Variants in PGLS observed in about 807,000 individuals in gnomAD.
PGLS encodes 6-phosphogluconolactonase.
Under a neutral mutation model 23.2 loss-of-function variants are expected in PGLS, and 21 were observed. That is an observed-to-expected ratio of 0.91 (90% confidence interval 0.64 to 1.31). PGLS has a LOEUF of 1.31. Among genes scored for constraint, PGLS ranks in the 50% most tolerant of loss-of-function variants. PGLS has a pLI of 0.00. For missense variants in PGLS, 410 were observed against 354.0 expected (o/e 1.16, Z -1.27); for synonymous variants, 179 against 165.4 (o/e 1.08, Z -0.63).
chr19:17,520,771 A>T (rs921240417), intron 4 of PGLS, among the ~76,000 whole-genome samples, 173 bp from the exon 5 acceptor site: 1 of 152,204 alleles, frequency 6.6e-6, no homozygotes, highest in Non-Finnish European at 1.5e-5. Flanking sequence ...TACAGTGGAT[A>T]GAAAGGAAGG....
Position 17,518,009 on chromosome 19 carries a change from G to GA in PGLS, c.639+175dup, listed in dbSNP as rs67260410. ...CTTGAAATTGCAATTAGAAAAAAAG[G>GA]AAAAAAAAAAAAAAAACCCCAGAAA... On this transcript the variant is annotated intron_variant, in intron 4 of 4. Coordinates refer to ENST00000252603, the MANE Select transcript of PGLS (RefSeq NM_012088.3). 4.2e-3 allele frequency among the ~76,000 whole-genome samples: 577 copies of GA among 136,118 alleles called. 1 individual carries two copies. The highest frequency in any genetic ancestry group is 8.5e-3 in the South Asian group (35 of 4,106). The allele number at this position is 136,118 out of a possible 152,430, so 89.3% of individuals were successfully genotyped here.
chr19:17,512,072 T>G, intron 1 of PGLS, 112 bp downstream of exon 1: 1 of 1,159,334 alleles, frequency 8.6e-7, no homozygotes, highest in South Asian at 1.6e-5. Flanking sequence ...GCCCACTGTC[T>G]GCACCTCGGC....
Position 17,517,719 on chromosome 19 carries a change from A to G in PGLS, c.508A>G (p.Lys170Glu), listed in dbSNP as rs781139703. 2.1e-5 allele frequency: 34 copies of G among 1,614,092 alleles called. No individual in the cohort carries two copies. In the East Asian group the frequency reaches 7.4e-4, roughly 35 times the overall value. The part of the protein sequence containing the change: ...PDHPLLQERE[K>E]IVAPISDSPK... Reference sequence around the variant, plus strand: ...GGGCTTCCTCCCCAAGGAGCGGGAGAAGATTGTGGCTCCCATCAGTGACTC... The same window carrying G: ...GGGCTTCCTCCCCAAGGAGCGGGAGGAGATTGTGGCTCCCATCAGTGACTC... Residue 170 changes from lysine to glutamate, a missense_variant, in exon 4 of 5, where the codon AAG (lysine) becomes GAG (glutamate). Lys to Glu is a moderately conservative substitution (Grantham distance 56, BLOSUM62 1). Coordinates refer to ENST00000252603, the MANE Select transcript of PGLS (RefSeq NM_012088.3).
intron 4 of PGLS, among the ~76,000 whole-genome samples, chr19:17,519,783 A>C (rs549563778): frequency 6.6e-6 from 1 of 152,238 alleles, no homozygotes; most frequent in East Asian, 1.9e-4. Flanking sequence ...TGCAGAGCTG[A>C]GTGGTTGCAA....
rs1196371101 is a variant in PGLS, at chr19:17,511,782, C to A, written c.110C>A (p.Ala37Asp). The stretch of plus-strand genomic sequence containing the variant: ...CGCGCAGCATGCTGCCTGGCAGGGG[C>A]CCGCGCCCGTTTCGCGCTCGGCCTG... ...AQRAACCLAG[A>D]RARFALGLSG... The change falls in exon 1 of 5, where the codon GCC becomes GAC. Residue 37 changes from alanine to aspartate, a missense_variant. Ala to Asp is a moderately radical substitution (Grantham distance 126). Transcript: ENST00000252603. 6.7e-7 allele frequency: 1 copy of A among 1,497,456 alleles called. No homozygotes were observed. Among genetic ancestry groups the A allele is most frequent in the Non-Finnish European group, 8.9e-7 (1 of 1,129,942 alleles). 92.8% of individuals were successfully genotyped at this position (1,497,456 alleles called of 1,614,324 possible). A position where few individuals can be genotyped will look rare whatever the true frequency, so the allele number is the denominator to read the frequency against.
chr19:17,517,648 A>G (rs2075539376), intron 3 of PGLS, 62 bp from the exon 4 acceptor site: 1 of 1,576,280 alleles, frequency 6.3e-7, no homozygotes, highest in Non-Finnish European at 8.7e-7. Flanking sequence ...GGTGTGTGTA[A>G]GTGTCCAAGA....
intron 2 of PGLS, 48 bp from the exon 3 acceptor site, chr19:17,517,240 G>A: frequency 2.5e-6 from 3 of 1,195,660 alleles, no homozygotes; most frequent in Non-Finnish European, 3.7e-6. Context: ...AGTCTCCCCT[G>A]CCCCTGCCAC....
At chr19:17,512,706 G>A (rs77532530) in intron 1 of PGLS, 1 of 152,304 alleles carries the variant, frequency 6.6e-6, no homozygotes, top group African/African-American at 2.4e-5. Flanking sequence ...AGGAGCCTTG[G>A]CCTGGCCGAG....
At position 17,521,116 on chromosome 19, in the gene PGLS, C is replaced by G; in HGVS notation, c.*35C>G. On this transcript the variant is annotated 3_prime_UTR_variant, in exon 5 of 5. Coordinates refer to ENST00000252603, the MANE Select transcript of PGLS (RefSeq NM_012088.3). ...GGGACGCCGCAGCTGGGACCAGGCACGCGGCCCATGGGGCTGGGCCCCTGC... is the reference window on the plus strand; with the variant it reads ...GGGACGCCGCAGCTGGGACCAGGCAGGCGGCCCATGGGGCTGGGCCCCTGC... 1.3e-6 allele frequency: 2 copies of G among 1,550,440 alleles called. No individual in the cohort carries two copies. Among genetic ancestry groups the G allele is most frequent in the South Asian group, 1.2e-5 (1 of 84,366 alleles).
chr19:17,517,338 G>A lies in PGLS; in HGVS notation c.447G>A (p.Val149=). 1 of 1,613,998 alleles carries A rather than the reference G, an allele frequency of 6.2e-7. No homozygotes were observed. Among genetic ancestry groups the A allele is most frequent in the Non-Finnish European group, 8.5e-7 (1 of 1,179,948 alleles). ...TTTTCGACCTGCTGATCCTGGGGGT[G>A]GGCCCCGATGGTCACACCTGCTCAC... ...IPVFDLLILG[V]GPDGHTCSLF... Residue 149 remains valine (V), a synonymous_variant, in exon 3 of 5, where the codon GTG becomes GTA. Coordinates refer to ENST00000252603, the MANE Select transcript of PGLS (RefSeq NM_012088.3).
chr19:17,520,048 C>A (rs1280680431), intron 4 of PGLS, among the ~76,000 whole-genome samples: 1 of 152,104 alleles, frequency 6.6e-6, no homozygotes, highest in African/African-American at 2.4e-5. Context: ...AGATACTTGG[C>A]AGACTGAGGC....
At position 17,511,671 on chromosome 19, in the gene PGLS, C is replaced by G; in HGVS notation, c.-2C>G. 1 of 1,484,680 alleles carries G rather than the reference C, an allele frequency of 6.7e-7. No homozygotes were observed. Among genetic ancestry groups the G allele is most frequent in the Non-Finnish European group, 8.9e-7 (1 of 1,126,108 alleles). The allele number at this position is 1,484,680 out of a possible 1,614,324, so 92.0% of individuals were successfully genotyped here. Reference sequence around the variant, plus strand: ...TTCCTCCTCCCCGCCGCCGCCCTCGCCATGGCCGCGCCGGCCCCGGGCCTC... The same window carrying G: ...TTCCTCCTCCCCGCCGCCGCCCTCGGCATGGCCGCGCCGGCCCCGGGCCTC... On this transcript the variant is annotated 5_prime_UTR_variant, in exon 1 of 5. Transcript: ENST00000252603.
intron 1 of PGLS, among the ~76,000 whole-genome samples, chr19:17,514,757 A>T (rs1244272941): frequency 6.6e-6 from 1 of 151,852 alleles, no homozygotes; most frequent in East Asian, 1.9e-4. Context: ...GGTTCAAGTG[A>T]TTCTCCTGCC....
In PGLS at chr19:17,516,325, G is replaced by A. The variant is rs201743835; in HGVS notation, c.396+45G>A. ...CGCAAGGGAGTCACATCCACGAAGCGGCCACACCCCGGGCAACAGAGCGGC... is the reference window on the plus strand; with the variant it reads ...CGCAAGGGAGTCACATCCACGAAGCAGCCACACCCCGGGCAACAGAGCGGC... On this transcript the variant is annotated intron_variant, in intron 2 of 4. Transcript: ENST00000252603. The A allele has an allele frequency of 1.3e-3, 2,033 of 1,581,146 alleles. 3 individuals are homozygous for A. The highest frequency in any genetic ancestry group is 1.6e-3 in the Non-Finnish European group (1,915 of 1,164,326).
rs774719026 is a variant in PGLS at position 17,517,339 on chromosome 19, G to A, written c.448G>A (p.Gly150Ser). ...TTTCGACCTGCTGATCCTGGGGGTG[G>A]GCCCCGATGGTCACACCTGCTCACT... ...PVFDLLILGVGPDGHTCSLFP... is the reference protein window; with the variant it reads ...PVFDLLILGVSPDGHTCSLFP... Residue 150 changes from glycine to serine, a missense_variant, in exon 3 of 5, where the codon GGC (glycine) becomes AGC (serine). By Grantham distance (56) the Gly-to-Ser change is moderately conservative. Transcript: ENST00000252603. 40 of 1,613,790 alleles carry A rather than the reference G, an allele frequency of 2.5e-5. No homozygotes were observed. Among genetic ancestry groups the A allele is most frequent in the Non-Finnish European group, 3.4e-5 (40 of 1,179,932 alleles).
chr19:17,517,432 G>C, intron 3 of PGLS, 43 bp downstream of exon 3: 1 of 1,466,434 alleles, frequency 6.8e-7, no homozygotes, highest in Non-Finnish European at 9.5e-7. Context: ...CCTGAGCCCA[G>C]TCCCTAACAT....
intron 3 of PGLS, 103 bp downstream of exon 3, chr19:17,517,492 A>T: frequency 1.9e-6 from 2 of 1,026,324 alleles, no homozygotes; most frequent in Non-Finnish European, 2.9e-6. Context: ...GTCTAGAGCC[A>T]GGGTTCAAGT....
intron 4 of PGLS, among the ~76,000 whole-genome samples, chr19:17,519,557 G>A (rs1264927501): frequency 9.9e-5 from 15 of 151,430 alleles, no homozygotes; most frequent in African/African-American, 3.2e-4. Context: ...CTGCCACCAC[G>A]CCCAGCTAAT....
chr19:17,518,165 T>G (rs2075542326), intron 4 of PGLS, among the ~76,000 whole-genome samples: 1 of 152,154 alleles, frequency 6.6e-6, no homozygotes, highest in Non-Finnish European at 1.5e-5. Flanking sequence ...TAGCAAACTA[T>G]TGAAATAAAT....
Sources: allele counts gnomAD v4.1 joint callset (sites outside exome capture counted in the v4.1 genomes callset), GRCh38; gene constraint gnomAD v4.1.1; transcripts MANE v1.5; gene names NCBI Gene and HGNC (gene_info 2026-07-23, HGNC 2026-07-21).